The following NRXN1 variants were observed in gnomAD, a reference collection of about 807,000 sequenced individuals.
NRXN1 encodes the protein neurexin 1, also known as neurexin-1.
Under a neutral mutation model 150.9 loss-of-function variants are expected in NRXN1, and 39 were observed. The ratio of observed to expected loss-of-function variants is 0.26; its 90% CI spans 0.20 to 0.34. The LOEUF (loss-of-function observed/expected upper bound fraction) is 0.34, where lower values mean the gene tolerates loss of function less well. Among genes scored for constraint, NRXN1 ranks in the 10% least tolerant of loss-of-function variants. The pLI, the probability that NRXN1 is intolerant of heterozygous loss-of-function variation, is 1.00. For synonymous variants in NRXN1, 924 were observed against 757.0 expected, an observed-to-expected ratio of 1.22 and a Z score of -3.62; for missense variants, 1,815 against 1,949.9, an observed-to-expected ratio of 0.93 and a Z score of 1.30.
intron 17 of NRXN1, among the ~76,000 whole-genome samples, chr2:50,462,300 T>C (rs1022002649): frequency 6.6e-6 from 1 of 151,676 alleles, no homozygotes; most frequent in Non-Finnish European, 1.5e-5. Flanking sequence ...GCAAATTAAA[T>C]AGTATAAACA....
At chr2:50,907,319 G>C (rs1683856045) in intron 5 of NRXN1, among the ~76,000 whole-genome samples, 1 of 151,900 alleles carries the variant, frequency 6.6e-6, no homozygotes, top group South Asian at 2.1e-4. Flanking sequence ...AGTATAAAAA[G>C]TACACAGTTT....
chr2:50,507,093 G>A (rs1003135964), intron 12 of NRXN1, among the ~76,000 whole-genome samples: 2 of 152,070 alleles, frequency 1.3e-5, no homozygotes, highest in African/African-American at 2.4e-5. Flanking sequence ...TTAGCTAATC[G>A]TTTTCAGTGA....
intron 19 of NRXN1, among the ~76,000 whole-genome samples, chr2:50,072,543 A>AAT (rs60771263): frequency 6.6e-6 from 1 of 151,172 alleles, no homozygotes; most frequent in African/African-American, 2.4e-5. Context: ...AAAAAAAAAA[A>AAT]GAAAAAGTGA....
chr2:50,688,822 T>A (rs1691637489), intron 5 of NRXN1, among the ~76,000 whole-genome samples: 1 of 152,136 alleles, frequency 6.6e-6, no homozygotes, highest in African/African-American at 2.4e-5. Context: ...GTCCAAAATC[T>A]TCAGGGCCAC....
chr2:50,510,322 C>T lies in NRXN1; in HGVS notation c.2375-3705G>A, dbSNP rs542891372. The stretch of plus-strand genomic sequence containing the variant: ...CCAACAGGGTGAAACCCTCTCTCTA[C>T]TAAAAATACAAAAAATAGCTGGGTG... On this transcript the variant is annotated intron_variant, in intron 12 of 22. Transcript: ENST00000401669. Among the ~76,000 whole-genome samples the T allele has an allele frequency of 4.5e-4, 68 of 151,638 alleles. 2 individuals carry two copies. The South Asian group carries it at 0.014, about 31-fold the overall frequency.
At chr2:50,918,715 A>G in intron 5 of NRXN1, 1 of 332,504 alleles carries the variant, frequency 3.0e-6, no homozygotes, top group Non-Finnish European at 5.5e-6. Context: ...AAAAGAAACA[A>G]GAACAAAAGA....
chr2:49,945,885 T>C (rs1464386391), intron 21 of NRXN1, among the ~76,000 whole-genome samples: 2 of 152,194 alleles, frequency 1.3e-5, no homozygotes, highest in Non-Finnish European at 2.9e-5. Context: ...TGATTTATAA[T>C]CCTTTGGGTA....
chr2:50,847,097 C>T (rs897035351), intron 5 of NRXN1, among the ~76,000 whole-genome samples: 4 of 152,110 alleles, frequency 2.6e-5, no homozygotes, highest in African/African-American at 9.7e-5. Context: ...GGCAAGGTAT[C>T]TCTGACATGA....
At chr2:50,477,504 G>T (rs922067864) in intron 15 of NRXN1, among the ~76,000 whole-genome samples, 1 of 152,156 alleles carries the variant, frequency 6.6e-6, no homozygotes, top group Admixed American at 6.5e-5. Context: ...ACGCGGTAGA[G>T]ATTTCCTCTT....
At chr2:50,252,504 C>A (rs988119560) in intron 17 of NRXN1, among the ~76,000 whole-genome samples, 1 of 151,968 alleles carries the variant, frequency 6.6e-6, no homozygotes, top group Non-Finnish European at 1.5e-5. Flanking sequence ...GGTGATCCAC[C>A]CACCTCTGCC....
intron 18 of NRXN1, among the ~76,000 whole-genome samples, chr2:50,215,618 C>T (rs1004126598): frequency 6.6e-6 from 1 of 151,866 alleles, no homozygotes; most frequent in Non-Finnish European, 1.5e-5. Flanking sequence ...GAAATATGCA[C>T]AGTAAAAAGA....
chr2:50,146,917 A>G (rs1708087335), intron 18 of NRXN1, among the ~76,000 whole-genome samples: 2 of 151,696 alleles, frequency 1.3e-5, no homozygotes, highest in South Asian at 4.1e-4. Context: ...TTTTGCATTT[A>G]TGCATTCTAA....
intron 18 of NRXN1, chr2:50,207,535 T>C (rs534691383): frequency 1.9e-5 from 3 of 157,316 alleles, no homozygotes; most frequent in East Asian, 3.9e-4. Context: ...AATCTACTCT[T>C]ACCAATAAGG....
chr2:50,545,580 G>A (rs758247007), intron 9 of NRXN1, among the ~76,000 whole-genome samples: 1 of 152,080 alleles, frequency 6.6e-6, no homozygotes, highest in Admixed American at 6.6e-5. Flanking sequence ...CTCCATAACA[G>A]CAATGTATAA....
chr2:51,029,147 T>C lies in NRXN1; in HGVS notation c.-874A>G, dbSNP rs1264354802. ...GCCAGCACATCAATTGGTTGTGTGTTGGTGATGCATTTTGGTTTTATCTTG... is the reference window on the plus strand; with the variant it reads ...GCCAGCACATCAATTGGTTGTGTGTCGGTGATGCATTTTGGTTTTATCTTG... On this transcript the variant is annotated 5_prime_UTR_variant, in exon 2 of 23. Transcript: ENST00000401669. 6.6e-6 allele frequency: 1 copy of C among 152,252 alleles called. No homozygotes were observed. Among genetic ancestry groups the C allele is most frequent in the Non-Finnish European group, 1.5e-5 (1 of 68,050 alleles). 9.4% of individuals were successfully genotyped at this position (152,252 alleles called of 1,614,324 possible).
At chr2:50,348,189 G>A (rs181010178) in intron 17 of NRXN1, among the ~76,000 whole-genome samples, 1 of 152,138 alleles carries the variant, frequency 6.6e-6, no homozygotes, top group South Asian at 2.1e-4. Context: ...CATCAGTCGC[G>A]ATGATCTGTT....
At chr2:50,858,481 C>T (rs145381693) in intron 5 of NRXN1, among the ~76,000 whole-genome samples, 1 of 152,064 alleles carries the variant, frequency 6.6e-6, no homozygotes, top group Non-Finnish European at 1.5e-5. Flanking sequence ...TCCACTCAAA[C>T]ATGCAATTTA....
intron 5 of NRXN1, among the ~76,000 whole-genome samples, chr2:50,818,176 A>G (rs1364447912): frequency 6.7e-6 from 1 of 149,784 alleles, no homozygotes; most frequent in Non-Finnish European, 1.5e-5. Flanking sequence ...TACAAAGTCA[A>G]CATACAAAAA....
chr2:50,727,639 A>T (rs1413153412), intron 5 of NRXN1, among the ~76,000 whole-genome samples: 1 of 152,194 alleles, frequency 6.6e-6, no homozygotes, highest in Admixed American at 6.5e-5. Flanking sequence ...ACACATATTG[A>T]TTAACATAAT....
Sources: allele counts gnomAD v4.1 joint callset (sites outside exome capture counted in the v4.1 genomes callset), GRCh38; gene constraint gnomAD v4.1.1; transcripts MANE v1.5; gene names NCBI Gene and HGNC (gene_info 2026-07-23, HGNC 2026-07-21).